Variants in DENND5A observed in about 807,000 individuals in gnomAD.
DENND5A encodes the protein DENN domain-containing protein 5A.
Under a neutral mutation model 140.3 loss-of-function variants are expected in DENND5A, and 64 were observed. That is an observed-to-expected ratio of 0.46 (90% CI 0.37 to 0.56). The LOEUF (loss-of-function observed/expected upper bound fraction) is 0.56, where lower values mean the gene tolerates loss of function less well. Among genes scored for constraint, DENND5A ranks in the 20% least tolerant of loss-of-function variants. The probability of loss-of-function intolerance (pLI) is 0.00; values close to 1 mark genes in which losing one functional copy is unlikely to be tolerated. For missense variants in DENND5A, 1,292 were observed against 1,593.8 expected (o/e 0.81, Z 3.22); for synonymous variants, 605 against 607.7 (o/e 1.00, Z 0.07).
chr11:9,162,217 G>A (rs894671414), intron 11 of DENND5A, among the ~76,000 whole-genome samples: 5 of 146,476 alleles, frequency 3.4e-5, no homozygotes, highest in African/African-American at 7.5e-5. Flanking sequence ...TATGACCAGC[G>A]CCAGGCCAGT....
chr11:9,241,569 A>G (rs1851234985), intron 1 of DENND5A, among the ~76,000 whole-genome samples: 1 of 152,100 alleles, frequency 6.6e-6, no homozygotes, highest in Admixed American at 6.6e-5. Context: ...TAATACATCA[A>G]GTATACTCCT....
intron 1 of DENND5A, among the ~76,000 whole-genome samples, chr11:9,243,113 AAAAC>A (rs1294841495): frequency 8.0e-5 from 12 of 149,078 alleles, no homozygotes; most frequent in Non-Finnish European, 1.0e-4. Flanking sequence ...AACAAAAAAA[AAAAC>A]TGAGGCGAGT....
chr11:9,207,223 A>G (rs1045335013), intron 2 of DENND5A: 1 of 480,176 alleles, frequency 2.1e-6, no homozygotes, highest in Non-Finnish European at 3.8e-6. Context: ...GAAAAATACA[A>G]AGAAATGAAA....
chr11:9,208,859 T>C (rs906483253), intron 1 of DENND5A, among the ~76,000 whole-genome samples: 1 of 152,246 alleles, frequency 6.6e-6, no homozygotes, highest in Non-Finnish European at 1.5e-5. Flanking sequence ...CAGCTGGTAA[T>C]AGCTGCAGCA....
At chr11:9,179,500 C>CTT (rs55812362) in intron 6 of DENND5A, among the ~76,000 whole-genome samples, 22,461 of 138,308 alleles carry the variant, frequency 0.16, 2,255 homozygotes, top group East Asian at 0.41. Flanking sequence ...GCAAAAAAAC[C>CTT]TTTTTTTTTT....
chr11:9,256,801 A>G (rs1051168418), intron 1 of DENND5A, among the ~76,000 whole-genome samples: 4 of 152,208 alleles, frequency 2.6e-5, no homozygotes, highest in Non-Finnish European at 4.4e-5. Context: ...AGTGATTAAT[A>G]CATTTCAAAA....
At chr11:9,257,918 G>A (rs1320282932) in intron 1 of DENND5A, among the ~76,000 whole-genome samples, 6 of 151,396 alleles carry the variant, frequency 4.0e-5, no homozygotes, top group African/African-American at 7.3e-5. Context: ...TCAGCCTCCC[G>A]AGTAGCTGGG....
At chr11:9,200,372 A>G (rs980759918) in intron 4 of DENND5A, among the ~76,000 whole-genome samples, 3 of 152,220 alleles carry the variant, frequency 2.0e-5, no homozygotes, top group Non-Finnish European at 4.4e-5. Flanking sequence ...GTCCAAGTCT[A>G]TATTTCACCC....
chr11:9,222,739 C>T (rs1420525384), intron 1 of DENND5A, among the ~76,000 whole-genome samples: 1 of 152,160 alleles, frequency 6.6e-6, no homozygotes, highest in African/African-American at 2.4e-5. Flanking sequence ...ACTAGCCATA[C>T]ACATATGGCA....
chr11:9,138,925 C>A lies in DENND5A; in HGVS notation c.*746G>T, dbSNP rs1460687219. 6.6e-6 allele frequency: 1 copy of A among 152,166 alleles called. No homozygotes were observed. The highest frequency in any genetic ancestry group is 1.5e-5 in the Non-Finnish European group (1 of 68,016). 9.4% of individuals were successfully genotyped at this position (152,166 alleles called of 1,614,324 possible). A position where few individuals can be genotyped will look rare whatever the true frequency, so the allele number is the denominator to read the frequency against. On this transcript the variant is annotated 3_prime_UTR_variant, in exon 23 of 23. Coordinates refer to ENST00000328194, the MANE Select transcript of DENND5A (RefSeq NM_015213.4). ...AATAACATAGCCAGTTAGATTGTGACAAGCTTTTCCTTTCCTTAAAAAAAG... is the reference window on the plus strand; with the variant it reads ...AATAACATAGCCAGTTAGATTGTGAAAAGCTTTTCCTTTCCTTAAAAAAAG...
intron 1 of DENND5A, among the ~76,000 whole-genome samples, chr11:9,250,949 A>G (rs562131006): frequency 7.9e-5 from 12 of 152,132 alleles, no homozygotes; most frequent in African/African-American, 2.9e-4. Context: ...GCCCCGACCA[A>G]CATGGTGAAA....
chr11:9,206,710 A>G lies in DENND5A; in HGVS notation c.254T>C (p.Val85Ala), dbSNP rs201529317. 5.2e-5 allele frequency: 84 copies of G among 1,613,778 alleles called. 1 individual carries two copies. Among genetic ancestry groups the G allele is most frequent in the Non-Finnish European group, 9.3e-6 (11 of 1,179,876 alleles). The change falls in exon 3 of 23, where the codon GTA becomes GCA. Residue 85 changes from valine to alanine, a missense_variant. By Grantham distance (64) the Val-to-Ala change is moderately conservative. Transcript: ENST00000328194. Reference protein sequence around the residue: ...SKVLARYPENVEWNPFDQDAV... With the variant: ...SKVLARYPENAEWNPFDQDAV... ...ATCTTGGTCAAAGGGATTCCATTCT[A>G]CGTTCTCAGGATATCGTGCAAGGAC...
intron 1 of DENND5A, among the ~76,000 whole-genome samples, chr11:9,218,461 G>A (rs1295939127): frequency 2.0e-5 from 3 of 152,126 alleles, no homozygotes; most frequent in Non-Finnish European, 4.4e-5. Flanking sequence ...GCTTAGGCGG[G>A]ATGCAGTGGC....
At chr11:9,159,894 T>C (rs1365475353) in intron 12 of DENND5A, among the ~76,000 whole-genome samples, 1 of 152,198 alleles carries the variant, frequency 6.6e-6, no homozygotes, top group Non-Finnish European at 1.5e-5. Context: ...TTTTTAAATA[T>C]ACAGCTATAT....
intron 1 of DENND5A, among the ~76,000 whole-genome samples, chr11:9,224,104 G>A (rs1484788291): frequency 3.9e-5 from 6 of 152,116 alleles, no homozygotes; most frequent in African/African-American, 1.4e-4. Flanking sequence ...TGAGGCAGGA[G>A]AATCGCTTGA....
chr11:9,212,683 C>T (rs527698265), intron 1 of DENND5A, among the ~76,000 whole-genome samples: 1 of 151,368 alleles, frequency 6.6e-6, no homozygotes, highest in Non-Finnish European at 1.5e-5. Context: ...ATTTTATGAA[C>T]AGAAAAAATA....
chr11:9,241,028 T>C (rs1851213866), intron 1 of DENND5A, among the ~76,000 whole-genome samples: 1 of 152,224 alleles, frequency 6.6e-6, no homozygotes, highest in African/African-American at 2.4e-5. Context: ...TCTGTCTGTG[T>C]ATGTGCATGT....
At chr11:9,221,744 TTTG>T (rs71062815) in intron 1 of DENND5A, among the ~76,000 whole-genome samples, 6 of 151,300 alleles carry the variant, frequency 4.0e-5, no homozygotes, top group South Asian at 2.1e-4. Context: ...AATTGAGAAT[TTTG>T]TTGTTGTTGT....
rs947870852 is a variant in DENND5A at position 9,170,842 on chromosome 11, A to T, written c.1907-65T>A. ...CATAAATACACACACAAATAAATCA[A>T]GTCAAACATTCTTTAAGAATCTAGC... On this transcript the variant is annotated intron_variant, in intron 8 of 22. Coordinates refer to ENST00000328194, the MANE Select transcript of DENND5A (RefSeq NM_015213.4). 24 of 1,584,104 alleles carry T rather than the reference A, an allele frequency of 1.5e-5. No individual in the cohort carries two copies. The African/African-American group carries it at 2.4e-4, about 16-fold the overall frequency.
Sources: gnomAD v4.1 joint callset for allele counts (sites outside exome capture counted in the v4.1 genomes callset) on GRCh38, gnomAD v4.1.1 for gene constraint, MANE v1.5 for transcripts, NCBI Gene and HGNC (gene_info 2026-07-23, HGNC 2026-07-21) for gene names.